The following PCDHGB2 variants were observed in gnomAD, a reference collection of about 807,000 sequenced individuals.
PCDHGB2 encodes protocadherin gamma subfamily B, 2.
A neutral mutation model predicts 59.3 loss-of-function variants in PCDHGB2; 55 were observed. That is an observed-to-expected ratio of 0.93 (90% CI 0.75 to 1.16). The LOEUF is 1.16. Among genes scored for constraint, PCDHGB2 ranks in the 50% most tolerant of loss-of-function variants. The pLI, the probability that PCDHGB2 is intolerant of heterozygous loss-of-function variation, is 0.00. For missense variants in PCDHGB2, 1,228 were observed against 1,198.5 expected (o/e 1.02, Z -0.36); for synonymous variants, 516 against 512.0 (o/e 1.01, Z -0.11).
intron 1 of PCDHGB2, chr5:141,427,308 G>A (rs2097014480): frequency 2.2e-6 from 1 of 456,846 alleles, no homozygotes; most frequent in Non-Finnish European, 4.4e-6. Flanking sequence ...GAATGACAAT[G>A]CCCCAGACGT....
intron 1 of PCDHGB2, among the ~76,000 whole-genome samples, chr5:141,433,766 G>A (rs2097649774): frequency 6.6e-6 from 1 of 151,888 alleles, no homozygotes; most frequent in South Asian, 2.1e-4. Flanking sequence ...TAACCTGGGA[G>A]GTGGAGGTTG....
At chr5:141,427,059 G>C (rs751016646) in intron 1 of PCDHGB2, 1 of 457,744 alleles carries the variant, frequency 2.2e-6, no homozygotes, top group South Asian at 1.5e-5. Context: ...AGGCACCTCT[G>C]TACTAAAGGT....
intron 1 of PCDHGB2, chr5:141,433,086 C>A (rs747501244): frequency 1.9e-6 from 3 of 1,614,208 alleles, no homozygotes; most frequent in African/African-American, 2.7e-5. Context: ...CCCAACTATG[C>A]AGACATGCTC....
At chr5:141,414,356 T>C in intron 1 of PCDHGB2, 1 of 1,613,950 alleles carries the variant, frequency 6.2e-7, no homozygotes, top group Non-Finnish European at 8.5e-7. Flanking sequence ...TTGGCGTATC[T>C]ACCATTTAAA....
chr5:141,362,229 G>T lies in PCDHGB2; in HGVS notation c.2094G>T (p.Leu698Phe). Residue 698 changes from leucine (L) to phenylalanine (F), a missense_variant, in exon 1 of 4, where the codon TTG (leucine) becomes TTT (phenylalanine). This residue lies in a region of PCDHGB2 where 433 missense variants were observed against 441.8 expected (regional missense o/e 0.98). Coordinates refer to ENST00000522605, the MANE Select transcript of PCDHGB2 (RefSeq NM_018923.3). ...TTTACCTGGTTGTGGCCTTGGCCTTGATCTCAGTGCTCTTCTTCCTCGCGG... is the reference window on the plus strand; with the variant it reads ...TTTACCTGGTTGTGGCCTTGGCCTTTATCTCAGTGCTCTTCTTCCTCGCGG... ...LQFYLVVALA[L>F]ISVLFFLAVI... 1.2e-6 allele frequency: 2 copies of T among 1,614,030 alleles called. No homozygotes were observed. The highest frequency in any genetic ancestry group is 1.7e-6 in the Non-Finnish European group (2 of 1,179,902).
intron 1 of PCDHGB2, among the ~76,000 whole-genome samples, chr5:141,467,332 C>T (rs985838492): frequency 6.6e-6 from 1 of 152,124 alleles, no homozygotes; most frequent in Non-Finnish European, 1.5e-5. Context: ...GGATTAGAGA[C>T]GTAAGCCACT....
In PCDHGB2 at chr5:141,400,505, C is replaced by T. The variant is rs759107285; in HGVS notation, c.2421+37949C>T. The stretch of plus-strand genomic sequence containing the variant: ...TTTCCACTTTGTAATTCCAGCGAGT[C>T]GACTTCCCATCCTGAGTTGGTGAGT... On this transcript the variant is annotated intron_variant, in intron 1 of 3. Transcript: ENST00000522605. 9 of 1,613,816 alleles carry T rather than the reference C, an allele frequency of 5.6e-6. No homozygotes were observed. In the African/African-American group the frequency reaches 6.7e-5, roughly 12 times the overall value.
At chr5:141,371,075 G>A in intron 1 of PCDHGB2, 1 of 1,613,904 alleles carries the variant, frequency 6.2e-7, no homozygotes, top group Non-Finnish European at 8.5e-7. Context: ...GTACCACCCA[G>A]ATCAGGGTAA....
At chr5:141,452,954 T>A (rs1315313825) in intron 1 of PCDHGB2, among the ~76,000 whole-genome samples, 5 of 152,220 alleles carry the variant, frequency 3.3e-5, no homozygotes, top group Non-Finnish European at 1.5e-5. Context: ...ATTGGTTGTC[T>A]TTAAACTGAG....
chr5:141,419,072 G>C (rs17208397), intron 1 of PCDHGB2: 242,774 of 1,613,756 alleles, frequency 0.15, 19,855 homozygotes, highest in Non-Finnish European at 0.17. Context: ...CTACAAGCTA[G>C]TAACAGATGA....
In PCDHGB2 at chr5:141,395,514, C is replaced by T. The variant is rs138744897; in HGVS notation, c.2421+32958C>T. 1.1e-3 allele frequency: 455 copies of T among 421,180 alleles called. 7 individuals carry two copies. The highest frequency in any genetic ancestry group is 8.9e-3 in the African/African-American group (432 of 48,430). The allele number at this position is 421,180 out of a possible 1,614,324, so 26.1% of individuals were successfully genotyped here. ...ACTCATTCACTTAAGAAGTAGCTAC[C>T]CGTCCATACTGGTAATTTTGCTATT... On this transcript the variant is annotated intron_variant, in intron 1 of 3. Transcript: ENST00000522605.
chr5:141,475,928 G>A, intron 1 of PCDHGB2: 1 of 630,590 alleles, frequency 1.6e-6, no homozygotes, highest in Non-Finnish European at 2.7e-6. Context: ...TGGAGATCGG[G>A]CCCCTGCCCG....
rs938964469 is a variant in PCDHGB2 at position 141,485,439 on chromosome 5, C to T, written c.2422-9368C>T. On this transcript the variant is annotated intron_variant, in intron 1 of 3. Transcript: ENST00000522605. This position sits in a 1 kb window ranked among gnomAD's most constrained non-coding sequence, Gnocchi z 5.7. The stretch of plus-strand genomic sequence containing the variant: ...AGCGGAGCCCTGCTCATCAAGAACC[C>T]AATCGACCGAGAGGCACTGTGTGGG... The T allele has an allele frequency of 1.1e-5, 18 of 1,614,182 alleles. No homozygotes were observed. Among genetic ancestry groups the T allele is most frequent in the Non-Finnish European group, 1.5e-5 (18 of 1,180,036 alleles).
At chr5:141,426,779 T>G in intron 1 of PCDHGB2, 6 of 456,698 alleles carry the variant, frequency 1.3e-5, no homozygotes, top group Non-Finnish European at 1.8e-5. Context: ...GGCCTCACTC[T>G]CTCCAGAGTT....
At chr5:141,492,834 G>T (rs544218873) in intron 1 of PCDHGB2, among the ~76,000 whole-genome samples, 36 of 152,332 alleles carry the variant, frequency 2.4e-4, no homozygotes, top group Non-Finnish European at 4.1e-4. Flanking sequence ...CCTTCCTCCC[G>T]CAGGAAGTGA....
chr5:141,423,170 A>G, intron 1 of PCDHGB2: 8 of 1,613,504 alleles, frequency 5.0e-6, no homozygotes, highest in Non-Finnish European at 6.8e-6. Context: ...GTGGCCGTCC[A>G]GGACCACGGC....
At chr5:141,466,716 T>A (rs2099127818) in intron 1 of PCDHGB2, among the ~76,000 whole-genome samples, 1 of 152,210 alleles carries the variant, frequency 6.6e-6, no homozygotes, top group South Asian at 2.1e-4. Flanking sequence ...TGTTCTTGTT[T>A]CCATTTTAGC....
chr5:141,371,007 C>G, intron 1 of PCDHGB2: 2 of 1,613,962 alleles, frequency 1.2e-6, no homozygotes, highest in African/African-American at 2.7e-5. Flanking sequence ...CAGGGAAGAG[C>G]AGCCACATCA....
At chr5:141,403,348 G>C (rs1031512427) in intron 1 of PCDHGB2, 2 of 1,614,052 alleles carry the variant, frequency 1.2e-6, no homozygotes, top group Middle Eastern at 1.6e-4. Flanking sequence ...GCGCCCCAAA[G>C]TTCCAGGCCG....
Sources: gnomAD v4.1 joint callset for allele counts (sites outside exome capture counted in the v4.1 genomes callset) on GRCh38, gnomAD v4.1.1 for gene constraint, gnomAD v4.1.1 regional missense constraint, Gnocchi (gnomAD v3.1) non-coding constraint, MANE v1.5 for transcripts, NCBI Gene and HGNC (gene_info 2026-07-23, HGNC 2026-07-21) for gene names.